Variants in P4HTM observed in about 807,000 individuals in gnomAD.
The protein encoded by P4HTM is transmembrane prolyl 4-hydroxylase.
A neutral mutation model predicts 55.3 loss-of-function variants in P4HTM; 33 were observed. The observed-to-expected ratio is 0.60, with a 90% confidence interval of 0.45 to 0.80. The LOEUF (loss-of-function observed/expected upper bound fraction) is 0.80. P4HTM is among the 30% of genes least tolerant of loss of function. The probability of loss-of-function intolerance (pLI) is 0.00; values close to 1 mark genes in which losing one functional copy is unlikely to be tolerated. For synonymous variants in P4HTM, 272 were observed against 286.4 expected, an observed-to-expected ratio of 0.95 and a Z score of 0.51; for missense variants, 542 against 696.5, an observed-to-expected ratio of 0.78 and a Z score of 2.50.
At chr3:48,993,975 ATCAGATGGATC>A (rs2092938381) in intron 2 of P4HTM, among the ~76,000 whole-genome samples, 1 of 152,158 alleles carries the variant, frequency 6.6e-6, no homozygotes, top group Admixed American at 6.5e-5. Flanking sequence ...TGGTTAAGCC[ATCAGATGGATC>A]TCTGTTTCTG....
Position 49,006,674 on chromosome 3 carries a change from C to T in P4HTM, c.1289-13C>T, listed in dbSNP as rs779804846. 8.1e-6 allele frequency: 13 copies of T among 1,611,586 alleles called. No homozygotes were observed. Among genetic ancestry groups the T allele is most frequent in the Middle Eastern group, 1.6e-4 (1 of 6,078 alleles). ...AGCCCAGCCTAGGATCTCACGTCAC[C>T]CTCCTCTTCTAGGTTGGGTGGGTGA... On this transcript the variant is annotated splice_polypyrimidine_tract_variant and intron_variant, in intron 8 of 8. Coordinates refer to ENST00000383729, the MANE Select transcript of P4HTM (RefSeq NM_177939.3).
Position 49,006,152 on chromosome 3 carries a change from C to T in P4HTM, c.1253C>T (p.Ala418Val). 2 of 1,612,820 alleles carry T rather than the reference C, an allele frequency of 1.2e-6. No individual in the cohort carries two copies. Among genetic ancestry groups the T allele is most frequent in the South Asian group, 1.1e-5 (1 of 91,074 alleles). The change falls in exon 8 of 9, where the codon GCA becomes GTA. Residue 418 changes from alanine (A) to valine (V), a missense_variant. Around this residue, in one of 2 missense-constraint regions of P4HTM, gnomAD observed 536 missense variants for 672.1 expected, o/e 0.80. Transcript: ENST00000383729. ...CGTGTCAAGCCCCAACAGGGCACAG[C>T]AGTCTTCTGGTACAACTACCTGCCT... ...NLRVKPQQGT[A>V]VFWYNYLPDG...
rs1273043157 is a variant in P4HTM, at chr3:49,000,973, C to T, written c.437-465C>T. The stretch of plus-strand genomic sequence containing the variant: ...GAAATTGGAGGGGAAGGCCCTTGGA[C>T]TGGCCTGAAACATTGGATGTCTTGT... On this transcript the variant is annotated intron_variant, in intron 2 of 8. Coordinates refer to ENST00000383729, the MANE Select transcript of P4HTM (RefSeq NM_177939.3). 2.5e-5 allele frequency: 6 copies of T among 239,932 alleles called. No individual in the cohort carries two copies. In the East Asian group the frequency reaches 5.2e-4, roughly 21 times the overall value. The allele number at this position is 239,932 out of a possible 1,614,324, so 14.9% of individuals were successfully genotyped here.
Position 49,007,054 on chromosome 3 carries a change from T to G in P4HTM, c.*147T>G. 1.4e-6 allele frequency: 1 copy of G among 714,154 alleles called. No individual in the cohort carries two copies. The highest frequency in any genetic ancestry group is 2.3e-6 in the Non-Finnish European group (1 of 433,164). 44.2% of individuals were successfully genotyped at this position (714,154 alleles called of 1,614,324 possible). ...CCGCGATACGGCGCAGTTCCTATATTCATGTTATTTATTGTGTACTGACTC... is the reference window on the plus strand; with the variant it reads ...CCGCGATACGGCGCAGTTCCTATATGCATGTTATTTATTGTGTACTGACTC... On this transcript the variant is annotated 3_prime_UTR_variant, in exon 9 of 9. Transcript: ENST00000383729. This position sits in a 1 kb window ranked among gnomAD's most constrained non-coding sequence, Gnocchi z 5.1.
chr3:48,990,856 G>T lies in P4HTM; in HGVS notation c.378G>T (p.Gln126His), dbSNP rs560693544. 1.2e-6 allele frequency: 2 copies of T among 1,614,014 alleles called. No homozygotes were observed. Among genetic ancestry groups the T allele is most frequent in the East Asian group, 2.2e-5 (1 of 44,878 alleles). The change falls in exon 2 of 9, where the codon CAG (glutamine) becomes CAT (histidine). Residue 126 changes from glutamine (Q) to histidine (H), a missense_variant. By Grantham distance (24) the Gln-to-His change is conservative. Transcript: ENST00000383729. This position sits in a 1 kb window ranked among gnomAD's most constrained non-coding sequence, Gnocchi z 7.2. ...AGGTGGGGCACGAGCGTAAGGTCCA[G>T]CTGGTCACCGACAGGGATCACTTCA... ...GIKVGHERKV[Q>H]LVTDRDHFIR...
In P4HTM at chr3:49,006,072, T is replaced by G; in HGVS notation, c.1173T>G (p.Ile391Met). ...DNRTYDEMSL[I>M]QDDVDLRDTR... ...CACCCTGCTGCCCACAGAGTCTGAT[T>G]CAGGATGACGTGGACCTCCGTGACA... The change falls in exon 8 of 9, where the codon ATT becomes ATG. Residue 391 changes from isoleucine to methionine, a missense_variant. Coordinates refer to ENST00000383729, the MANE Select transcript of P4HTM (RefSeq NM_177939.3). 1 of 1,612,290 alleles carries G rather than the reference T, an allele frequency of 6.2e-7. No homozygotes were observed. Among genetic ancestry groups the G allele is most frequent in the African/African-American group, 1.3e-5 (1 of 75,004 alleles).
In P4HTM at chr3:49,004,968, G is replaced by A. The variant is rs2092972287; in HGVS notation, c.995G>A (p.Gly332Glu). 6.2e-7 allele frequency: 1 copy of A among 1,614,050 alleles called. No individual in the cohort carries two copies. Among genetic ancestry groups the A allele is most frequent in the South Asian group, 1.1e-5 (1 of 91,080 alleles). The change falls in exon 6 of 9, where the codon GGG becomes GAG. Residue 332 changes from glycine (G) to glutamate (E), a missense_variant. By Grantham distance (98) the Gly-to-Glu change is moderately conservative. This residue lies in a region of P4HTM where 536 missense variants were observed against 672.1 expected (regional missense o/e 0.80). Transcript: ENST00000383729. ...CACTACCATGCCCACGTGGACAGTGGGCCTGTGTACCCAGAGACCATCTGC... is the reference window on the plus strand; with the variant it reads ...CACTACCATGCCCACGTGGACAGTGAGCCTGTGTACCCAGAGACCATCTGC... The part of the protein sequence containing the change: ...GGHYHAHVDS[G>E]PVYPETICSH...
At position 49,004,245 on chromosome 3, in the gene P4HTM, G is replaced by A. The variant is rs541015911; in HGVS notation, c.872G>A (p.Arg291His). 2.3e-4 allele frequency: 349 copies of A among 1,548,170 alleles called. 1 individual carries two copies. The South Asian group carries it at 3.6e-3, about 16-fold the overall frequency. ...GGTGAGGGTGCCCACCACATCATGC[G>A]TGCCATCCGCCAGAGGTGAGCACCT... ...YQGEGAHHIMRAIRQRVLRLT... is the reference protein window; with the variant it reads ...YQGEGAHHIMHAIRQRVLRLT... The change falls in exon 5 of 9, where the codon CGT (arginine) becomes CAT (histidine). Residue 291 changes from arginine (R) to histidine (H), a missense_variant. Arg to His is a conservative substitution (Grantham distance 29). Around this residue, in one of 2 missense-constraint regions of P4HTM, gnomAD observed 536 missense variants for 672.1 expected, o/e 0.80. Transcript: ENST00000383729.
intron 6 of P4HTM, 196 bp downstream of exon 6, chr3:49,005,242 GT>G: frequency 1.3e-6 from 2 of 1,520,560 alleles, no homozygotes; most frequent in South Asian, 1.3e-5. Flanking sequence ...ACTGGTCATC[GT>G]GACCACTGGA....
At chr3:49,004,019 G>GT in intron 4 of P4HTM, 79 bp from the exon 5 acceptor site, 1 of 1,389,410 alleles carries the variant, frequency 7.2e-7, no homozygotes, top group Non-Finnish European at 9.8e-7. Context: ...TGCCTTTGGG[G>GT]TAGGTAGGGA....
intron 2 of P4HTM, 186 bp from the exon 3 acceptor site, chr3:49,001,252 C>G (rs2092960215): frequency 1.6e-6 from 1 of 629,740 alleles, no homozygotes. Flanking sequence ...CCAACGCCAG[C>G]CAGCCTTTGC....
intron 2 of P4HTM, among the ~76,000 whole-genome samples, chr3:48,995,243 A>C (rs576855522): frequency 1.3e-5 from 2 of 151,952 alleles, no homozygotes; most frequent in South Asian, 2.1e-4. Flanking sequence ...CTCAGACACC[A>C]CAAGCTCACT....
rs757935018 is a variant in P4HTM, at chr3:49,002,741, A to C, written c.724+145A>C. The C allele has an allele frequency of 2.7e-6, 2 of 729,198 alleles. No individual in the cohort carries two copies. Among genetic ancestry groups the C allele is most frequent in the Non-Finnish European group, 4.9e-6 (2 of 404,698 alleles). The allele number at this position is 729,198 out of a possible 1,614,324, so 45.2% of individuals were successfully genotyped here. A position where few individuals can be genotyped will look rare whatever the true frequency, so the allele number is the denominator to read the frequency against. Reference sequence around the variant, plus strand: ...AGTGGCCAGAGATGGGGAGGTGAAGATCCAGCCTTGCTTTTTACCCCTGGG... The same window carrying C: ...AGTGGCCAGAGATGGGGAGGTGAAGCTCCAGCCTTGCTTTTTACCCCTGGG... On this transcript the variant is annotated intron_variant, in intron 4 of 8. Coordinates refer to ENST00000383729, the MANE Select transcript of P4HTM (RefSeq NM_177939.3). This position sits in a 1 kb window ranked among gnomAD's most constrained non-coding sequence, Gnocchi z 4.4.
At chr3:49,005,750 C>G (rs1394557889) in intron 6 of P4HTM, 27 bp from the exon 7 acceptor site, 5 of 1,578,074 alleles carry the variant, frequency 3.2e-6, no homozygotes, top group Non-Finnish European at 4.3e-6. Context: ...AACTGGGGAC[C>G]TGCTCAGTGC....
Position 49,007,061 on chromosome 3 carries a change from A to G in P4HTM, c.*154A>G. ...ACGGCGCAGTTCCTATATTCATGTT[A>G]TTTATTGTGTACTGACTCCATCTGC... On this transcript the variant is annotated 3_prime_UTR_variant, in exon 9 of 9. Transcript: ENST00000383729. This position sits in a 1 kb window ranked among gnomAD's most constrained non-coding sequence, Gnocchi z 5.1. 1 of 704,162 alleles carries G rather than the reference A, an allele frequency of 1.4e-6. No individual in the cohort carries two copies. Among genetic ancestry groups the G allele is most frequent in the Non-Finnish European group, 2.3e-6 (1 of 425,674 alleles). 43.6% of individuals were successfully genotyped at this position (704,162 alleles called of 1,614,324 possible). A position where few individuals can be genotyped will look rare whatever the true frequency, so the allele number is the denominator to read the frequency against.
chr3:48,998,452 C>T (rs6414613), intron 2 of P4HTM: 99,727 of 152,124 alleles, frequency 0.66, 33,418 homozygotes, highest in East Asian at 0.96. Context: ...TGGCCTGGAA[C>T]TCTCTGGTTG....
intron 2 of P4HTM, among the ~76,000 whole-genome samples, chr3:48,995,921 G>A (rs2092944213): frequency 6.6e-6 from 1 of 152,116 alleles, no homozygotes; most frequent in Non-Finnish European, 1.5e-5. Context: ...GGAGTTCACT[G>A]GGTGCTCTCA....
intron 4 of P4HTM, chr3:49,003,843 G>T (rs2092968738): frequency 4.4e-6 from 2 of 449,870 alleles, no homozygotes; most frequent in African/African-American, 2.0e-5. Context: ...TAGGGGGTGG[G>T]CCTCTTTCTT....
At chr3:48,998,690 T>A (rs1195229747) in intron 2 of P4HTM, among the ~76,000 whole-genome samples, 1 of 152,178 alleles carries the variant, frequency 6.6e-6, no homozygotes, top group Non-Finnish European at 1.5e-5. Flanking sequence ...AACAGGGCCC[T>A]CCCTCTTGTC....
Sources: allele counts gnomAD v4.1 joint callset (sites outside exome capture counted in the v4.1 genomes callset), GRCh38; gene constraint gnomAD v4.1.1; regional missense constraint gnomAD v4.1.1; non-coding constraint Gnocchi (gnomAD v3.1); transcripts MANE v1.5; gene names NCBI Gene and HGNC (gene_info 2026-07-23, HGNC 2026-07-21).